DMD: variants seen among roughly 807,000 people sequenced by gnomAD.
DMD encodes the protein mutant dystrophin.
In DMD, 63 loss-of-function variants were observed where a neutral mutation model predicts 330.1. That is an observed-to-expected ratio of 0.19 (90% CI 0.16 to 0.24). DMD has a LOEUF of 0.24. Among genes scored for constraint, DMD ranks in the 10% least tolerant of loss-of-function variants. DMD has a pLI of 1.00. For missense variants in DMD, 3,344 were observed against 2,684.1 expected, an observed-to-expected ratio of 1.25 and a Z score of -5.43; for synonymous variants, 1,223 against 959.8, an observed-to-expected ratio of 1.27 and a Z score of -5.07.
intron 13 of DMD, among the ~76,000 whole-genome samples, chrX:32,576,447 T>G (rs2053060660): frequency 1.8e-5 from 2 of 110,145 alleles, no homozygotes; most frequent in South Asian, 7.9e-4. Context: ...TAGGGTGACT[T>G]GAACACAAGC....
At chrX:32,563,996 G>A (rs778125146) in intron 16 of DMD, among the ~76,000 whole-genome samples, 1 of 111,536 alleles carries the variant, frequency 9.0e-6, no homozygotes, top group African/African-American at 3.3e-5. Flanking sequence ...CTTATTTACT[G>A]CTCATCTACT....
intron 7 of DMD, among the ~76,000 whole-genome samples, chrX:32,790,036 T>G (rs2075700890): frequency 9.0e-6 from 1 of 111,731 alleles, no homozygotes; most frequent in Non-Finnish European, 1.9e-5. Flanking sequence ...TTCTCACTTT[T>G]CAACTGGATA....
chrX:31,543,263 C>T lies in DMD; in HGVS notation c.8218-35810G>A, dbSNP rs189141456. ...TTGTCTCACTGCAACCTCCGCCTCC[C>T]GGCTTCAAGTGATTCTCCTGCTTCA... On this transcript the variant is annotated intron_variant, in intron 55 of 78. Coordinates refer to ENST00000357033, the MANE Select transcript of DMD (RefSeq NM_004006.3). Among the ~76,000 whole-genome samples, 10 of 111,529 alleles carry T rather than the reference C, an allele frequency of 9.0e-5. No individual in the cohort carries two copies. The East Asian group carries it at 2.5e-3, about 28-fold the overall frequency.
At chrX:31,259,814 T>C (rs1192443999) in intron 63 of DMD, among the ~76,000 whole-genome samples, 4 of 110,995 alleles carry the variant, frequency 3.6e-5, no homozygotes, top group African/African-American at 1.3e-4. Context: ...AAAGCAGTAA[T>C]AGCTACGTAC....
intron 44 of DMD, among the ~76,000 whole-genome samples, chrX:32,140,765 G>C (rs1343760475): frequency 9.0e-6 from 1 of 111,083 alleles, no homozygotes; most frequent in African/African-American, 3.3e-5. Context: ...CAGATCTCGT[G>C]AGACTTATTC....
intron 48 of DMD, among the ~76,000 whole-genome samples, chrX:31,846,375 A>G (rs1462900313): frequency 9.1e-6 from 1 of 109,427 alleles, no homozygotes; most frequent in African/African-American, 3.3e-5. Context: ...AATGGGAGCA[A>G]CTATAACAAG....
At chrX:33,338,249 T>C (rs55664840) in intron 1 of DMD, among the ~76,000 whole-genome samples, 1,393 of 110,975 alleles carry the variant, frequency 0.013, 17 homozygotes, top group Non-Finnish European at 0.022. Context: ...AAACGATGCA[T>C]AGTTTATACA....
At chrX:32,702,373 G>T (rs1279625772) in intron 7 of DMD, among the ~76,000 whole-genome samples, 6 of 111,566 alleles carry the variant, frequency 5.4e-5, no homozygotes, top group African/African-American at 1.9e-4. Context: ...GAATGGGGAA[G>T]AGTATTCGGG....
At chrX:32,735,762 A>C (rs1240752545) in intron 7 of DMD, among the ~76,000 whole-genome samples, 3 of 112,091 alleles carry the variant, frequency 2.7e-5, no homozygotes, top group Admixed American at 9.5e-5. Context: ...TACAAAAATC[A>C]ATTCAACATG....
intron 1 of DMD, among the ~76,000 whole-genome samples, chrX:33,146,278 C>T (rs1205863161): frequency 9.0e-6 from 1 of 110,944 alleles, no homozygotes; most frequent in Non-Finnish European, 1.9e-5. Context: ...CTCCTTTCTC[C>T]ACGTCCCCAG....
At chrX:31,575,578 T>C (rs1282266040) in intron 55 of DMD, among the ~76,000 whole-genome samples, 2 of 111,932 alleles carry the variant, frequency 1.8e-5, no homozygotes, top group Non-Finnish European at 3.8e-5. Flanking sequence ...TTTCCTTTGG[T>C]ACTGTACCAT....
At chrX:31,441,232 TG>T (rs1439337317) in intron 60 of DMD, among the ~76,000 whole-genome samples, 1 of 112,187 alleles carries the variant, frequency 8.9e-6, no homozygotes, top group Non-Finnish European at 1.9e-5. Flanking sequence ...AGTCTGGCTC[TG>T]TCGCCCAGGC....
chrX:31,603,062 G>T (rs1170587021), intron 55 of DMD, among the ~76,000 whole-genome samples: 1 of 111,232 alleles, frequency 9.0e-6, no homozygotes, highest in African/African-American at 3.3e-5. Context: ...TGTTGTTTGT[G>T]CTTCTGTCAT....
intron 2 of DMD, among the ~76,000 whole-genome samples, chrX:32,980,500 G>A (rs940688216): frequency 9.2e-6 from 1 of 109,199 alleles, no homozygotes; most frequent in Non-Finnish European, 1.9e-5. Context: ...CCGACACAAT[G>A]TCTTCTTCCC....
At chrX:33,021,597 A>G (rs1273355732) in intron 1 of DMD, among the ~76,000 whole-genome samples, 1 of 111,560 alleles carries the variant, frequency 9.0e-6, no homozygotes, top group Non-Finnish European at 1.9e-5. Flanking sequence ...CATAACAAAT[A>G]TATGCATGCA....
At chrX:32,223,165 A>G (rs1050559883) in intron 43 of DMD, among the ~76,000 whole-genome samples, 1 of 111,985 alleles carries the variant, frequency 8.9e-6, no homozygotes. Flanking sequence ...ATACCAATGT[A>G]TTCACTCACA....
At chrX:31,748,858 G>A (rs990702842) in intron 51 of DMD, among the ~76,000 whole-genome samples, 1 of 111,568 alleles carries the variant, frequency 9.0e-6, no homozygotes, top group African/African-American at 3.3e-5. Flanking sequence ...AAAAGGTGGT[G>A]AAGGTGGAAT....
intron 1 of DMD, among the ~76,000 whole-genome samples, chrX:33,166,860 C>T (rs2049083069): frequency 9.1e-6 from 1 of 109,756 alleles, no homozygotes; most frequent in Admixed American, 9.8e-5. Context: ...ACTAGTCTAT[C>T]AAATAAAAGA....
chrX:32,857,090 T>A (rs12011244), intron 2 of DMD, among the ~76,000 whole-genome samples: 18,518 of 107,720 alleles, frequency 0.17, 1,679 homozygotes, highest in African/African-American at 0.33. Context: ...AAAAAAAAAA[T>A]TTGAAGTGGA....
Sources: allele counts gnomAD v4.1 joint callset (sites outside exome capture counted in the v4.1 genomes callset), GRCh38; gene constraint gnomAD v4.1.1; transcripts MANE v1.5; gene names NCBI Gene and HGNC (gene_info 2026-07-23, HGNC 2026-07-21).